The following ATAD5 variants were observed in gnomAD, a reference collection of about 807,000 sequenced individuals.
ATAD5 encodes the protein ATPase family AAA domain containing 5.
ATAD5 carries 58 observed loss-of-function variants against 176.9 expected under a neutral mutation model. That is an observed-to-expected ratio of 0.33 (90% CI 0.27 to 0.41). The LOEUF (loss-of-function observed/expected upper bound fraction) is 0.41, where lower values mean the gene tolerates loss of function less well. ATAD5 is among the 10% of genes least tolerant of loss of function. ATAD5 has a pLI of 1.00. For missense variants in ATAD5, 1,789 were observed against 2,094.1 expected (o/e 0.85, Z 2.84); for synonymous variants, 640 against 712.6 (o/e 0.90, Z 1.62).
intron 1 of ATAD5, 106 bp downstream of exon 1, chr17:30,832,519 G>A: frequency 1.7e-6 from 2 of 1,175,528 alleles, no homozygotes; most frequent in East Asian, 2.9e-5. Context: ...GGAAAGGTGG[G>A]ACATTGTGAG....
chr17:30,871,840 T>C (rs1317168942), intron 14 of ATAD5, among the ~76,000 whole-genome samples: 1 of 152,192 alleles, frequency 6.6e-6, no homozygotes, highest in Non-Finnish European at 1.5e-5. Context: ...TTATCAATCC[T>C]GCACTTTTTG....
In ATAD5 at chr17:30,893,902, G is replaced by C. The variant is rs1909771914; in HGVS notation, c.5049G>C (p.Lys1683Asn). 1 of 1,613,940 alleles carries C rather than the reference G, an allele frequency of 6.2e-7. No individual in the cohort carries two copies. Among genetic ancestry groups the C allele is most frequent in the Admixed American group, 1.7e-5 (1 of 60,000 alleles). ...GRNDFSWTNG[K>N]VTSGLCDEFS... ...ATGACTTTAGTTGGACAAATGGAAA[G>C]GTTACAAGTGGACTTTGTGATGAGT... is the stretch of plus-strand genomic sequence containing the variant. Residue 1683 changes from lysine (K) to asparagine (N), a missense_variant, in exon 21 of 23, where the codon AAG becomes AAC. Coordinates refer to ENST00000321990, the MANE Select transcript of ATAD5 (RefSeq NM_024857.5).
At position 30,895,028 on chromosome 17, in the gene ATAD5, A is replaced by AAAAAC; in HGVS notation, c.*116_*117insAAACA. On this transcript the variant is annotated 3_prime_UTR_variant, in exon 23 of 23. Coordinates refer to ENST00000321990, the MANE Select transcript of ATAD5 (RefSeq NM_024857.5). ...TTCTCGATGTACATTTTAAACAAACAATTTGTATATTTTTTTATTGGCGGG... is the reference window on the plus strand; with the variant it reads ...TTCTCGATGTACATTTTAAACAAACAAAAACATTTGTATATTTTTTTATTGGCGGG... 1.6e-6 allele frequency: 1 copy of AAAAAC among 627,974 alleles called. No homozygotes were observed. Among genetic ancestry groups the AAAAAC allele is most frequent in the South Asian group, 5.7e-5 (1 of 17,424 alleles). 38.9% of individuals were successfully genotyped at this position (627,974 alleles called of 1,614,324 possible).
At chr17:30,842,567 C>T (rs560409768) in intron 4 of ATAD5, among the ~76,000 whole-genome samples, 6 of 152,184 alleles carry the variant, frequency 3.9e-5, no homozygotes, top group East Asian at 1.9e-4. Context: ...GGTAAGTGCT[C>T]GGTAAATCTA....
chr17:30,883,097 T>C (rs1023387924), intron 18 of ATAD5, among the ~76,000 whole-genome samples: 5 of 151,980 alleles, frequency 3.3e-5, no homozygotes, highest in African/African-American at 7.3e-5. Flanking sequence ...ATCTCTACTT[T>C]GTGCTAAAGT....
At chr17:30,880,066 C>CCAGGTAGGG (rs1197014252) in intron 18 of ATAD5, among the ~76,000 whole-genome samples, 1 of 151,942 alleles carries the variant, frequency 6.6e-6, no homozygotes, top group African/African-American at 2.4e-5. Flanking sequence ...CTTTGGGAGG[C>CCAGGTAGGG]TGAGGAGGGC....
At position 30,892,764 on chromosome 17, in the gene ATAD5, T is replaced by C; in HGVS notation, c.4416T>C (p.Ser1472=). The C allele has an allele frequency of 6.4e-7, 1 of 1,569,236 alleles. No individual in the cohort carries two copies. Among genetic ancestry groups the C allele is most frequent in the Non-Finnish European group, 8.6e-7 (1 of 1,163,434 alleles). Residue 1472 remains serine, a synonymous_variant, in exon 20 of 23, where the codon TCT becomes TCC. Transcript: ENST00000321990. ...GCCTTAAGAACATTTTTTCCCCATC[T>C]GAAGACTTATTTTCATTTTTAAAGG... is the stretch of plus-strand genomic sequence containing the variant. ...LFGLKNIFSP[S]EDLFSFLKHK... is the part of the protein sequence containing the mutation.
intron 6 of ATAD5, among the ~76,000 whole-genome samples, chr17:30,853,079 G>A (rs1308482116): frequency 6.6e-6 from 1 of 151,670 alleles, no homozygotes; most frequent in Non-Finnish European, 1.5e-5. Flanking sequence ...TAGTAGAGAT[G>A]GGGTTTCGCC....
chr17:30,868,273 A>T, intron 11 of ATAD5, 60 bp from the exon 12 acceptor site: 1 of 1,358,720 alleles, frequency 7.4e-7, no homozygotes, highest in African/African-American at 1.5e-5. Context: ...TCATTTTAAC[A>T]TAAAGTCTAA....
At chr17:30,867,311 G>A (rs568599324) in intron 11 of ATAD5, among the ~76,000 whole-genome samples, 1 of 151,944 alleles carries the variant, frequency 6.6e-6, no homozygotes, top group East Asian at 1.9e-4. Flanking sequence ...GAGGTGGGAG[G>A]GTCACATGAG....
Position 30,844,909 on chromosome 17 carries a change from G to A in ATAD5, c.2443G>A (p.Glu815Lys). ...AGCTGATCCTGTCCCTAGTTTTGAT[G>A]AAAGCAGGTCAGTCCAATACAAATT... ...KAADPVPSFD[E>K]SSQDTSEKSQ... The change falls in exon 6 of 23, where the codon GAA becomes AAA. Residue 815 changes from glutamate to lysine, a missense_variant. Transcript: ENST00000321990. The A allele has an allele frequency of 6.3e-7, 1 of 1,584,702 alleles. No individual in the cohort carries two copies.
At chr17:30,856,444 TTTTG>T (rs558799388) in intron 7 of ATAD5, among the ~76,000 whole-genome samples, 6 of 152,082 alleles carry the variant, frequency 3.9e-5, no homozygotes, top group South Asian at 4.1e-4. Flanking sequence ...CTTAAAAGGT[TTTTG>T]TTTGTTTGTT....
At position 30,894,423 on chromosome 17, in the gene ATAD5, G is replaced by A. The variant is rs1598005378; in HGVS notation, c.5298-141G>A. ...TTATTGAGATTTTTTCAGTATGGGA[G>A]TGATTGATGTGTTGACAGGAAATTA... On this transcript the variant is annotated intron_variant, in intron 21 of 22. Transcript: ENST00000321990. 16 of 835,786 alleles carry A rather than the reference G, an allele frequency of 1.9e-5. No individual in the cohort carries two copies. In the Admixed American group the frequency reaches 2.1e-4, roughly 11 times the overall value. The allele number at this position is 835,786 out of a possible 1,614,324, so 51.8% of individuals were successfully genotyped here. A position where few individuals can be genotyped will look rare whatever the true frequency, so the allele number is the denominator to read the frequency against.
intron 11 of ATAD5, 48 bp downstream of exon 11, chr17:30,865,848 T>A (rs1453668181): frequency 1.6e-6 from 2 of 1,269,604 alleles, no homozygotes; most frequent in Non-Finnish European, 2.2e-6. Flanking sequence ...AAACTTAGTT[T>A]TACTGTTTTT....
Position 30,855,284 on chromosome 17 carries a change from T to C in ATAD5, c.2592T>C (p.Ser864=). 1 of 1,608,282 alleles carries C rather than the reference T, an allele frequency of 6.2e-7. No individual in the cohort carries two copies. The highest frequency in any genetic ancestry group is 1.3e-5 in the African/African-American group (1 of 74,712). The change falls in exon 7 of 23, where the codon AGT becomes AGC. Residue 864 remains serine (S), a synonymous_variant. Transcript: ENST00000321990. The part of the protein sequence containing the change: ...AAALDVYNAV[S]TSFQRVVHVQ... ...CGCTGGATGTGTACAATGCAGTGAG[T>C]ACCAGTTTCCAGAGAGTCGTACATG...
At chr17:30,844,789 G>A (rs1439489139) in intron 5 of ATAD5, 46 bp from the exon 6 acceptor site, 18 of 1,162,582 alleles carry the variant, frequency 1.5e-5, no homozygotes, top group Non-Finnish European at 2.0e-5. Context: ...AGCTGAAGGT[G>A]GAGATGGTAA....
rs1908689416 is a variant in ATAD5 at position 30,876,536 on chromosome 17, T to G, written c.3770T>G (p.Leu1257Arg). ...PKNNEEIGML[L>R]ENNKGIKNSF... ...AATAATGAAGAAATAGGAATGCTTC[T>G]GGAAAATAATAAAGGTAAGACATTA... is the stretch of plus-strand genomic sequence containing the variant. Residue 1257 changes from leucine (L) to arginine (R), a missense_variant, in exon 15 of 23, where the codon CTG becomes CGG. Around this residue, in one of 6 missense-constraint regions of ATAD5, gnomAD observed 194 missense variants for 270.1 expected, o/e 0.72. Coordinates refer to ENST00000321990, the MANE Select transcript of ATAD5 (RefSeq NM_024857.5). 6.4e-7 allele frequency: 1 copy of G among 1,556,834 alleles called. No homozygotes were observed. Among genetic ancestry groups the G allele is most frequent in the Admixed American group, 1.8e-5 (1 of 54,134 alleles).
chr17:30,885,996 A>G (rs1322398175), intron 18 of ATAD5, among the ~76,000 whole-genome samples: 2 of 151,608 alleles, frequency 1.3e-5, no homozygotes, highest in East Asian at 1.9e-4. Flanking sequence ...TTGAAATCAT[A>G]TTTTTCTACT....
chr17:30,860,479 A>T lies in ATAD5; in HGVS notation c.3003A>T (p.Val1001=), dbSNP rs9896095. 11 of 1,598,732 alleles carry T rather than the reference A, an allele frequency of 6.9e-6. No homozygotes were observed. The Admixed American group carries it at 1.5e-4, about 21-fold the overall frequency. The change falls in exon 10 of 23, where the codon GTA becomes GTT. Residue 1001 remains valine, a synonymous_variant. Coordinates refer to ENST00000321990, the MANE Select transcript of ATAD5 (RefSeq NM_024857.5). ...VSHKETKRKL[V]EAENSKSKRK... ...ATAAAGAAACCAAAAGGAAACTCGTAGAAGCAGAAAATTCTAAGTCAAAAA... is the reference window on the plus strand; with the variant it reads ...ATAAAGAAACCAAAAGGAAACTCGTTGAAGCAGAAAATTCTAAGTCAAAAA...
Sources: gnomAD v4.1 joint callset for allele counts (sites outside exome capture counted in the v4.1 genomes callset) on GRCh38, gnomAD v4.1.1 for gene constraint, gnomAD v4.1.1 regional missense constraint, MANE v1.5 for transcripts, NCBI Gene and HGNC (gene_info 2026-07-23, HGNC 2026-07-21) for gene names.